Variants in TRMT11 observed in about 807,000 individuals in gnomAD.
TRMT11 encodes the protein tRNA (guanine(10)-N(2))-methyltransferase TRMT11.
A neutral mutation model predicts 62.8 loss-of-function variants in TRMT11; 53 were observed. The ratio of observed to expected loss-of-function variants is 0.84; its 90% CI spans 0.68 to 1.06. The LOEUF is 1.06. Ranked by LOEUF, TRMT11 falls within the 50% of genes least tolerant of loss-of-function variation. The probability of loss-of-function intolerance (pLI) is 0.00; values close to 1 mark genes in which losing one functional copy is unlikely to be tolerated. For missense variants in TRMT11, 556 were observed against 553.4 expected (o/e 1.00, Z -0.05); for synonymous variants, 188 against 190.3 (o/e 0.99, Z 0.10).
Position 126,112,601 on chromosome 6 carries a change from G to A in TRMT11, c.*1438-265G>A, listed in dbSNP as rs181493983. Among the ~76,000 whole-genome samples the A allele has an allele frequency of 5.9e-5, 9 of 152,224 alleles. No homozygotes were observed. In the East Asian group the frequency reaches 1.7e-3, roughly 29 times the overall value. ...TTGCCATCTGCAATGATCGGTTGTA[G>A]TAATAACAATCTCTGGGTGCACAAT... is the stretch of plus-strand genomic sequence containing the variant. On this transcript the variant is annotated intron_variant and NMD_transcript_variant, in intron 17 of 22. Coordinates refer to the TRMT11 transcript ENST00000648977.
intron 17 of TRMT11, among the ~76,000 whole-genome samples, chr6:126,105,121 A>G (rs546999448): frequency 6.6e-6 from 1 of 152,364 alleles, no homozygotes; most frequent in African/African-American, 2.4e-5. Context: ...TTTATTGTGA[A>G]AAATTAGGAC....
the TRMT11 span, among the ~76,000 whole-genome samples, chr6:126,262,546 C>T: frequency 6.6e-6 from 1 of 152,150 alleles, no homozygotes; most frequent in East Asian, 1.9e-4. Flanking sequence ...AGGACACACT[C>T]TAGCCACTCT....
chr6:126,073,124 C>T (rs1338025141), intron 17 of TRMT11, among the ~76,000 whole-genome samples: 1 of 152,186 alleles, frequency 6.6e-6, no homozygotes, highest in Non-Finnish European at 1.5e-5. Flanking sequence ...AACTTTCTAG[C>T]ACTATGCCTC....
chr6:126,101,525 G>C (rs1777402125), intron 17 of TRMT11, among the ~76,000 whole-genome samples: 2 of 152,162 alleles, frequency 1.3e-5, no homozygotes, highest in Admixed American at 1.3e-4. Context: ...ACACACAGCT[G>C]GTAAGTTGTA....
chr6:126,012,359 T>G (rs1345965267), intron 9 of TRMT11, among the ~76,000 whole-genome samples: 1 of 152,162 alleles, frequency 6.6e-6, no homozygotes, highest in South Asian at 2.1e-4. Context: ...AGATAGTCTC[T>G]TAGCAAAAAT....
intron 17 of TRMT11, among the ~76,000 whole-genome samples, chr6:126,093,625 A>ATTTTTTTTTTTTTTTTTT (rs1483189635): frequency 1.9e-5 from 2 of 103,522 alleles, no homozygotes; most frequent in African/African-American, 9.6e-5. Context: ...ATATATATAT[A>ATTTTTTTTTTTTTTTTTT]TATATATTTT....
At chr6:125,994,041 A>T (rs1791050784) in intron 2 of TRMT11, among the ~76,000 whole-genome samples, 2 of 152,272 alleles carry the variant, frequency 1.3e-5, no homozygotes, top group South Asian at 4.1e-4. Flanking sequence ...TTTAGTCAAC[A>T]GTTGTGTCAT....
chr6:126,015,250 G>T (rs1473222783), intron 11 of TRMT11, among the ~76,000 whole-genome samples: 1 of 151,860 alleles, frequency 6.6e-6, no homozygotes, highest in South Asian at 2.1e-4. Context: ...TTTTGAGATG[G>T]AGTCTCACTC....
chr6:126,234,149 AG>A, the TRMT11 span, among the ~76,000 whole-genome samples: 13 of 152,122 alleles, frequency 8.5e-5, no homozygotes, highest in Non-Finnish European at 1.6e-4. Flanking sequence ...ACAACAAAAA[AG>A]CACCTTTGTC....
At chr6:126,047,619 C>T (rs1460252334) in intron 16 of TRMT11, among the ~76,000 whole-genome samples, 1 of 152,262 alleles carries the variant, frequency 6.6e-6, no homozygotes, top group Non-Finnish European at 1.5e-5. Context: ...CCCTGACTCT[C>T]CACTGAGCTG....
intron 7 of TRMT11, among the ~76,000 whole-genome samples, chr6:126,003,643 A>G (rs562007650): frequency 1.3e-5 from 2 of 152,130 alleles, no homozygotes; most frequent in Admixed American, 6.5e-5. Flanking sequence ...GAAGTATCAC[A>G]ATTTTTTATA....
downstream of TRMT11, among the ~76,000 whole-genome samples, chr6:126,206,074 TC>T (rs1778789402): frequency 6.6e-6 from 1 of 152,248 alleles, no homozygotes; most frequent in Non-Finnish European, 1.5e-5. Flanking sequence ...CCACTGTTTT[TC>T]TTTTTAGGAT....
the TRMT11 span, among the ~76,000 whole-genome samples, chr6:126,247,097 C>T: frequency 1.3e-5 from 2 of 152,172 alleles, no homozygotes; most frequent in South Asian, 4.1e-4. Flanking sequence ...CTCCAAACAG[C>T]TGTTCCTCGC....
the TRMT11 span, among the ~76,000 whole-genome samples, chr6:126,225,183 G>A: frequency 1.3e-5 from 2 of 152,320 alleles, no homozygotes; most frequent in South Asian, 4.1e-4. Context: ...AGCTTCTCCT[G>A]TGCCAAACAC....
At chr6:126,042,048 A>G (rs150651589), downstream of TRMT11, among the ~76,000 whole-genome samples, 873 of 152,296 alleles carry the variant, frequency 5.7e-3, 7 homozygotes, top group African/African-American at 0.02. Context: ...ATACACATGG[A>G]GACAATAACA....
At chr6:126,114,784 A>C (rs1384590412) in intron 19 of TRMT11, among the ~76,000 whole-genome samples, 1 of 152,074 alleles carries the variant, frequency 6.6e-6, no homozygotes, top group Non-Finnish European at 1.5e-5. Flanking sequence ...TATTCAGCAA[A>C]GAAGATTTTC....
At chr6:126,100,965 C>T (rs949924846) in intron 17 of TRMT11, among the ~76,000 whole-genome samples, 35 of 152,194 alleles carry the variant, frequency 2.3e-4, no homozygotes, top group African/African-American at 7.9e-4. Flanking sequence ...CTTCTATGCA[C>T]GGTTCACAGT....
At chr6:126,116,014 G>GT (rs1356842785) in intron 21 of TRMT11, among the ~76,000 whole-genome samples, 1 of 141,584 alleles carries the variant, frequency 7.1e-6, no homozygotes, top group African/African-American at 2.9e-5. Flanking sequence ...TTACCTTAGG[G>GT]TCCTTTTTTT....
At chr6:126,064,467 G>T (rs1776628602) in intron 17 of TRMT11, among the ~76,000 whole-genome samples, 1 of 152,104 alleles carries the variant, frequency 6.6e-6, no homozygotes, top group Admixed American at 6.5e-5. Flanking sequence ...CTGTGTAAGG[G>T]TAAGTGAGGC....
Sources: allele counts gnomAD v4.1 joint callset (sites outside exome capture counted in the v4.1 genomes callset), GRCh38; gene constraint gnomAD v4.1.1; transcripts MANE v1.5; gene names NCBI Gene and HGNC (gene_info 2026-07-23, HGNC 2026-07-21).